OXR1: variants seen among roughly 807,000 people sequenced by gnomAD.
OXR1 encodes the protein oxidation resistance 1, also known as oxidation resistance protein 1.
A neutral mutation model predicts 104.6 loss-of-function variants in OXR1; 41 were observed. The ratio of observed to expected loss-of-function variants is 0.39; its 90% CI spans 0.31 to 0.51. The LOEUF (loss-of-function observed/expected upper bound fraction) is 0.51. Among genes scored for constraint, OXR1 ranks in the 20% least tolerant of loss-of-function variants. OXR1 has a pLI of 0.77. For synonymous variants in OXR1, 348 were observed against 348.4 expected (o/e 1.00, Z 0.01); for missense variants, 955 against 1,031.9 (o/e 0.93, Z 1.02).
chr8:106,680,580 T>C (rs1486661367), intron 4 of OXR1, among the ~76,000 whole-genome samples: 1 of 152,206 alleles, frequency 6.6e-6, no homozygotes, highest in African/African-American at 2.4e-5. Context: ...CTTGCTATTA[T>C]TTTGATTGTA....
At chr8:106,357,792 T>C (rs1288056498) in intron 1 of OXR1, among the ~76,000 whole-genome samples, 2 of 152,164 alleles carry the variant, frequency 1.3e-5, no homozygotes, top group African/African-American at 2.4e-5. Context: ...CAGTAAACAA[T>C]GGACTGATTC....
intron 3 of OXR1, among the ~76,000 whole-genome samples, chr8:106,549,286 C>T (rs1231076660): frequency 6.6e-6 from 1 of 151,598 alleles, no homozygotes; most frequent in African/African-American, 2.4e-5. Context: ...TTATCTAGAC[C>T]ATAAGCTCCA....
intron 2 of OXR1, among the ~76,000 whole-genome samples, chr8:106,418,856 G>A (rs534929332): frequency 6.6e-6 from 1 of 152,068 alleles, no homozygotes; most frequent in Non-Finnish European, 1.5e-5. Flanking sequence ...GTTGACAGTG[G>A]TTATCTCTGA....
intron 3 of OXR1, among the ~76,000 whole-genome samples, chr8:106,588,488 C>T (rs1389780089): frequency 7.1e-6 from 1 of 140,384 alleles, no homozygotes; most frequent in Non-Finnish European, 1.5e-5. Flanking sequence ...TATAATTTCT[C>T]ATTTACTTTT....
intron 2 of OXR1, among the ~76,000 whole-genome samples, chr8:106,517,392 A>T (rs548887828): frequency 7.2e-5 from 11 of 152,316 alleles, no homozygotes; most frequent in Admixed American, 6.5e-4. Flanking sequence ...GCTGTATAAA[A>T]TTCCATTCTA....
intron 6 of OXR1, among the ~76,000 whole-genome samples, chr8:106,688,255 C>T (rs1828934163): frequency 6.6e-6 from 1 of 151,840 alleles, no homozygotes; most frequent in Non-Finnish European, 1.5e-5. Flanking sequence ...TTTTAAAGTA[C>T]TTATGTTTAT....
intron 3 of OXR1, among the ~76,000 whole-genome samples, chr8:106,655,949 G>A (rs1360918357): frequency 6.6e-6 from 1 of 152,202 alleles, no homozygotes; most frequent in Non-Finnish European, 1.5e-5. Flanking sequence ...AATGTTGGAT[G>A]TAAAAGTGCA....
intron 2 of OXR1, among the ~76,000 whole-genome samples, chr8:106,410,095 A>G (rs73307120): frequency 0.046 from 6,984 of 152,200 alleles, 525 homozygotes; most frequent in African/African-American, 0.16. Flanking sequence ...CTATTATTTC[A>G]ATAACAATCT....
chr8:106,292,074 G>A (rs1812778598), intron 1 of OXR1, among the ~76,000 whole-genome samples: 1 of 152,170 alleles, frequency 6.6e-6, no homozygotes, highest in Non-Finnish European at 1.5e-5. Context: ...CAACTGGGGT[G>A]TGAATCATCC....
At chr8:106,699,615 C>T (rs1220140205) in intron 7 of OXR1, among the ~76,000 whole-genome samples, 1 of 152,120 alleles carries the variant, frequency 6.6e-6, no homozygotes, top group Admixed American at 6.5e-5. Flanking sequence ...TGACTAGAAG[C>T]AGAAGTTCAT....
At chr8:106,286,412 A>G (rs2130016227) in intron 1 of OXR1, among the ~76,000 whole-genome samples, 1 of 148,412 alleles carries the variant, frequency 6.7e-6, no homozygotes, top group East Asian at 1.9e-4. Context: ...ATTAAAACAT[A>G]AATGCTGCCT....
At chr8:106,348,290 AAAACACACAC>A (rs1246650410) in intron 1 of OXR1, among the ~76,000 whole-genome samples, 1 of 152,168 alleles carries the variant, frequency 6.6e-6, no homozygotes, top group Non-Finnish European at 1.5e-5. Flanking sequence ...AAGTCTTCAG[AAAACACACAC>A]AAACACACAC....
chr8:106,459,158 C>T (rs1820770631), intron 2 of OXR1, among the ~76,000 whole-genome samples: 1 of 152,086 alleles, frequency 6.6e-6, no homozygotes, highest in Non-Finnish European at 1.5e-5. Flanking sequence ...GTGTTGGAAA[C>T]TTAATCCCCA....
At chr8:106,423,895 A>C (rs1427042042) in intron 2 of OXR1, among the ~76,000 whole-genome samples, 1 of 152,136 alleles carries the variant, frequency 6.6e-6, no homozygotes, top group Non-Finnish European at 1.5e-5. Flanking sequence ...GCAGTCTTTT[A>C]AATAGAATAA....
chr8:106,699,633 C>G (rs758585069), intron 7 of OXR1, among the ~76,000 whole-genome samples: 3 of 152,162 alleles, frequency 2.0e-5, no homozygotes, highest in Non-Finnish European at 4.4e-5. Flanking sequence ...CATTTGATAT[C>G]TGAATAAAAA....
chr8:106,716,819 A>G (rs1316486976), intron 11 of OXR1, among the ~76,000 whole-genome samples: 2 of 152,198 alleles, frequency 1.3e-5, no homozygotes, highest in Non-Finnish European at 2.9e-5. Flanking sequence ...TGTGGTGTCT[A>G]GAAAATTTAC....
At chr8:106,691,686 T>G (rs1201583645) in intron 6 of OXR1, among the ~76,000 whole-genome samples, 2 of 149,840 alleles carry the variant, frequency 1.3e-5, no homozygotes, top group Non-Finnish European at 3.0e-5. Flanking sequence ...TGCGGTTAAC[T>G]CAGTTTTGGG....
At chr8:106,272,031 G>C (rs1462086758) in intron 1 of OXR1, 1 of 152,282 alleles carries the variant, frequency 6.6e-6, no homozygotes, top group African/African-American at 2.4e-5. Flanking sequence ...GAGAAGCAGG[G>C]ACAGAGACCA....
chr8:106,600,961 A>T (rs1474868862), intron 3 of OXR1, among the ~76,000 whole-genome samples: 1 of 152,220 alleles, frequency 6.6e-6, no homozygotes, highest in Admixed American at 6.5e-5. Flanking sequence ...AAAACATGGT[A>T]ATTAAATGTT....
Sources: allele counts gnomAD v4.1 joint callset (sites outside exome capture counted in the v4.1 genomes callset), GRCh38; gene constraint gnomAD v4.1.1; transcripts MANE v1.5; gene names NCBI Gene and HGNC (gene_info 2026-07-23, HGNC 2026-07-21).